The following KIFAP3 variants were observed in gnomAD, a reference collection of about 807,000 sequenced individuals.
KIFAP3 encodes kinesin associated protein 3.
In KIFAP3, 68 loss-of-function variants were observed where a neutral mutation model predicts 106.5. The ratio of observed to expected loss-of-function variants is 0.64; its 90% CI spans 0.53 to 0.78. The LOEUF (loss-of-function observed/expected upper bound fraction) is 0.78, where lower values mean the gene tolerates loss of function less well. KIFAP3 is among the 30% of genes least tolerant of loss of function. The pLI, the probability that KIFAP3 is intolerant of heterozygous loss-of-function variation, is 0.00. For missense variants in KIFAP3, 780 were observed against 941.8 expected, an observed-to-expected ratio of 0.83 and a Z score of 2.25; for synonymous variants, 320 against 311.5, an observed-to-expected ratio of 1.03 and a Z score of -0.29.
chr1:169,963,437 T>C (rs1665439218), intron 17 of KIFAP3, among the ~76,000 whole-genome samples: 1 of 152,204 alleles, frequency 6.6e-6, no homozygotes, highest in Admixed American at 6.5e-5. Context: ...CTCTTTATGG[T>C]AGAACAATGT....
At chr1:169,993,992 A>G (rs1411736114) in intron 10 of KIFAP3, among the ~76,000 whole-genome samples, 1 of 152,234 alleles carries the variant, frequency 6.6e-6, no homozygotes, top group South Asian at 2.1e-4. Flanking sequence ...GAAAGCAAGG[A>G]CTTTATTCAC....
At chr1:170,052,410 G>C (rs1304333009) in intron 2 of KIFAP3, among the ~76,000 whole-genome samples, 1 of 152,114 alleles carries the variant, frequency 6.6e-6, no homozygotes, top group Non-Finnish European at 1.5e-5. Flanking sequence ...TTCTACCAGA[G>C]GTACAAAGAG....
chr1:169,942,360 C>T (rs1664170945), intron 19 of KIFAP3, among the ~76,000 whole-genome samples: 1 of 152,174 alleles, frequency 6.6e-6, no homozygotes, highest in Non-Finnish European at 1.5e-5. Context: ...AGACGGACTT[C>T]CACTTGCCCT....
rs1379509701 is a variant in KIFAP3, at chr1:169,972,509, T to G, written c.1983+4A>C. 1.5e-6 allele frequency: 2 copies of G among 1,309,670 alleles called. No homozygotes were observed. The highest frequency in any genetic ancestry group is 2.2e-6 in the Non-Finnish European group (2 of 911,564). The allele number at this position is 1,309,670 out of a possible 1,614,324, so 81.1% of individuals were successfully genotyped here. ...TACTTTGTGTAGAAAAAATAATTAC[T>G]TACCGCTATAATATCTAATGTATTA... On this transcript the variant is annotated splice_donor_region_variant and intron_variant, in intron 17 of 19. Transcript: ENST00000361580.
Position 170,050,903 on chromosome 1 carries a change from C to T in KIFAP3, c.165-4037G>A, listed in dbSNP as rs367575304. 1.1e-4 allele frequency among the ~76,000 whole-genome samples: 16 copies of T among 151,998 alleles called. 1 individual carries two copies. Among genetic ancestry groups the T allele is most frequent in the South Asian group, 6.2e-4 (3 of 4,820 alleles). On this transcript the variant is annotated intron_variant, in intron 2 of 19. Coordinates refer to ENST00000361580, the MANE Select transcript of KIFAP3 (RefSeq NM_014970.4). The stretch of plus-strand genomic sequence containing the variant: ...ACTGCAAAAACACACCAAAATATAA[C>T]GACCAATGACACTGAAGAAACTACA...
intron 19 of KIFAP3, among the ~76,000 whole-genome samples, chr1:169,942,173 A>G (rs1265680194): frequency 6.6e-6 from 1 of 152,154 alleles, no homozygotes; most frequent in Non-Finnish European, 1.5e-5. Flanking sequence ...TAATGTTATG[A>G]CTCATTAAAT....
At position 170,039,300 on chromosome 1, in the gene KIFAP3, T is replaced by C; in HGVS notation, c.320-12A>G. On this transcript the variant is annotated splice_polypyrimidine_tract_variant and intron_variant, in intron 3 of 19. Coordinates refer to ENST00000361580, the MANE Select transcript of KIFAP3 (RefSeq NM_014970.4). ...TTTTTCTTTTTTCTCTGTAAAAAGATTTTTTTTTAATAAGGAGACTTAGGT... is the reference window on the plus strand; with the variant it reads ...TTTTTCTTTTTTCTCTGTAAAAAGACTTTTTTTTAATAAGGAGACTTAGGT... 1.4e-6 allele frequency: 2 copies of C among 1,459,556 alleles called. No individual in the cohort carries two copies. Among genetic ancestry groups the C allele is most frequent in the Non-Finnish European group, 1.9e-6 (2 of 1,059,172 alleles). 90.4% of individuals were successfully genotyped at this position (1,459,556 alleles called of 1,614,324 possible).
Position 169,950,168 on chromosome 1 carries a change from T to TA in KIFAP3, c.2273+3842dup, listed in dbSNP as rs544815392. On this transcript the variant is annotated intron_variant, in intron 19 of 19. Transcript: ENST00000361580. ...AATAAATAATTTTTCTTTAAACAAT[T>TA]AAAAAAACCCTTGTGTCATACAAAT... Among the ~76,000 whole-genome samples, 399 of 152,200 alleles carry TA rather than the reference T, an allele frequency of 2.6e-3. 2 individuals are homozygous for TA. Among genetic ancestry groups the TA allele is most frequent in the African/African-American group, 8.9e-3 (368 of 41,546 alleles).
At chr1:169,932,652 C>CT (rs1238221577) in intron 19 of KIFAP3, among the ~76,000 whole-genome samples, 2 of 150,846 alleles carry the variant, frequency 1.3e-5, no homozygotes, top group Non-Finnish European at 3.0e-5. Flanking sequence ...ACTAGTCTCT[C>CT]TTATATGAAT....
upstream of KIFAP3, among the ~76,000 whole-genome samples, chr1:170,075,309 C>G (rs995672651): frequency 1.8e-4 from 28 of 152,152 alleles, no homozygotes; most frequent in Non-Finnish European, 5.9e-5. Context: ...AGATCTATTC[C>G]CATGGGTTCA....
At chr1:169,991,048 A>C (rs1168428074) in intron 11 of KIFAP3, among the ~76,000 whole-genome samples, 1 of 152,112 alleles carries the variant, frequency 6.6e-6, no homozygotes, top group African/African-American at 2.4e-5. Flanking sequence ...TCAGTTAAAA[A>C]ATTGGGAAGG....
intron 19 of KIFAP3, among the ~76,000 whole-genome samples, chr1:169,923,848 C>T (rs1324639025): frequency 6.6e-6 from 1 of 152,172 alleles, no homozygotes; most frequent in Non-Finnish European, 1.5e-5. Flanking sequence ...TTGTAGCAAC[C>T]TAGGCAATTG....
intron 9 of KIFAP3, among the ~76,000 whole-genome samples, chr1:170,019,753 T>C (rs77401077): frequency 0.071 from 10,870 of 152,244 alleles, 435 homozygotes; most frequent in Non-Finnish European, 0.095. Flanking sequence ...AAAGACATTG[T>C]TTTCCTCATA....
chr1:169,936,040 G>A (rs1394989086), intron 19 of KIFAP3, among the ~76,000 whole-genome samples: 4 of 151,698 alleles, frequency 2.6e-5, no homozygotes, highest in African/African-American at 7.3e-5. Flanking sequence ...TCCAGACATC[G>A]CCTCCATTTT....
intron 18 of KIFAP3, chr1:169,958,087 T>TG (rs71125214): frequency 0.94 from 142,503 of 152,382 alleles, 66,721 homozygotes; most frequent in East Asian, 0.99. Context: ...GGCAATCTGG[T>TG]GTCTCCAACT....
At chr1:169,978,949 A>G (rs1288335929) in intron 15 of KIFAP3, among the ~76,000 whole-genome samples, 2 of 152,114 alleles carry the variant, frequency 1.3e-5, no homozygotes, top group African/African-American at 4.8e-5. Context: ...AAATTGGGCT[A>G]AATTTCTCAC....
At chr1:169,996,375 A>G (rs1667373927) in intron 10 of KIFAP3, among the ~76,000 whole-genome samples, 1 of 152,192 alleles carries the variant, frequency 6.6e-6, no homozygotes, top group Non-Finnish European at 1.5e-5. Context: ...TAGGGACACA[A>G]GGCTATGGAC....
At chr1:170,021,376 A>G (rs916374613) in intron 9 of KIFAP3, among the ~76,000 whole-genome samples, 2 of 151,590 alleles carry the variant, frequency 1.3e-5, no homozygotes, top group Admixed American at 6.6e-5. Flanking sequence ...CAGTGTATGC[A>G]TACACTGGTT....
At chr1:169,994,113 T>C (rs546708404) in intron 10 of KIFAP3, among the ~76,000 whole-genome samples, 4 of 152,228 alleles carry the variant, frequency 2.6e-5, no homozygotes, top group Non-Finnish European at 5.9e-5. Context: ...AGAGCCATGC[T>C]AAACAGACTG....
Sources: gnomAD v4.1 joint callset for allele counts (sites outside exome capture counted in the v4.1 genomes callset) on GRCh38, gnomAD v4.1.1 for gene constraint, MANE v1.5 for transcripts, NCBI Gene and HGNC (gene_info 2026-07-23, HGNC 2026-07-21) for gene names.